CNTNAP2: variants seen among roughly 807,000 people sequenced by gnomAD.
The protein encoded by CNTNAP2 is contactin-associated protein-like 2.
Under a neutral mutation model 155.2 loss-of-function variants are expected in CNTNAP2, and 98 were observed. The observed-to-expected ratio is 0.63, with a 90% CI of 0.54 to 0.75. The LOEUF (loss-of-function observed/expected upper bound fraction) is 0.75. Among genes scored for constraint, CNTNAP2 ranks in the 30% least tolerant of loss-of-function variants. The pLI is 0.00. For synonymous variants in CNTNAP2, 651 were observed against 631.2 expected (o/e 1.03, Z -0.47); for missense variants, 1,727 against 1,688.1 (o/e 1.02, Z -0.40).
At chr7:146,842,495 C>T (rs1803747550) in intron 3 of CNTNAP2, among the ~76,000 whole-genome samples, 1 of 152,058 alleles carries the variant, frequency 6.6e-6, no homozygotes, top group East Asian at 1.9e-4. Flanking sequence ...TCTTGCACTG[C>T]TGTTAAGAAA....
chr7:148,263,051 AG>A (rs1357307144), intron 20 of CNTNAP2: 1 of 152,254 alleles, frequency 6.6e-6, no homozygotes, highest in Non-Finnish European at 1.5e-5. Flanking sequence ...GACACAAGGC[AG>A]GCAGGAGTAT....
At chr7:147,729,652 A>G (rs567099525) in intron 13 of CNTNAP2, among the ~76,000 whole-genome samples, 2 of 152,226 alleles carry the variant, frequency 1.3e-5, no homozygotes, top group East Asian at 1.9e-4. Context: ...TGTGTGAGAC[A>G]TGGAAGCTTA....
At chr7:147,343,131 G>A (rs1795792684) in intron 9 of CNTNAP2, among the ~76,000 whole-genome samples, 1 of 152,036 alleles carries the variant, frequency 6.6e-6, no homozygotes, top group Non-Finnish European at 1.5e-5. Flanking sequence ...CCAGCTAGAA[G>A]CCTATATATT....
At chr7:147,436,218 A>G (rs1442934728) in intron 10 of CNTNAP2, among the ~76,000 whole-genome samples, 2 of 152,182 alleles carry the variant, frequency 1.3e-5, no homozygotes, top group African/African-American at 4.8e-5. Flanking sequence ...AACATCACAT[A>G]TACCAATTAG....
At chr7:147,045,011 A>C (rs1192146193) in intron 4 of CNTNAP2, among the ~76,000 whole-genome samples, 1 of 152,158 alleles carries the variant, frequency 6.6e-6, no homozygotes, top group Non-Finnish European at 1.5e-5. Context: ...TCTTTATGAG[A>C]CTGCTAGATA....
intron 1 of CNTNAP2, among the ~76,000 whole-genome samples, chr7:146,348,799 C>T (rs1450559030): frequency 6.7e-6 from 1 of 148,534 alleles, no homozygotes; most frequent in Non-Finnish European, 1.5e-5. Flanking sequence ...TAAAAAAATT[C>T]CTTGTTCTCA....
intron 1 of CNTNAP2, among the ~76,000 whole-genome samples, chr7:146,615,998 G>A (rs920977748): frequency 6.6e-6 from 1 of 152,170 alleles, no homozygotes; most frequent in Admixed American, 6.5e-5. Context: ...TGTAATTCCA[G>A]TGCTGGAAGT....
intron 1 of CNTNAP2, among the ~76,000 whole-genome samples, chr7:146,551,159 A>G (rs1002771843): frequency 1.3e-5 from 2 of 152,100 alleles, no homozygotes; most frequent in African/African-American, 4.8e-5. Context: ...GTGGATGTTT[A>G]CACCATATAG....
chr7:147,297,450 AAT>A (rs1285405936), intron 8 of CNTNAP2, among the ~76,000 whole-genome samples: 5 of 152,200 alleles, frequency 3.3e-5, no homozygotes, highest in African/African-American at 1.2e-4. Flanking sequence ...TATAAGGAAA[AAT>A]AAAGCTCAGA....
chr7:147,005,062 C>T (rs10281702), intron 3 of CNTNAP2, among the ~76,000 whole-genome samples: 56,389 of 151,770 alleles, frequency 0.37, 10,671 homozygotes, highest in East Asian at 0.43. Context: ...TTGGTCTCTC[C>T]GGAGGCAGGA....
intron 23 of CNTNAP2, among the ~76,000 whole-genome samples, chr7:148,415,195 T>TTA (rs1490688633): frequency 3.9e-5 from 6 of 152,384 alleles, no homozygotes; most frequent in Admixed American, 1.3e-4. Context: ...GTCCAGTATT[T>TTA]TAGTTACTTT....
intron 1 of CNTNAP2, among the ~76,000 whole-genome samples, chr7:146,484,657 A>C (rs1290816798): frequency 6.6e-6 from 1 of 152,148 alleles, no homozygotes; most frequent in African/African-American, 2.4e-5. Context: ...GAAAGAAAGA[A>C]AAAGAAGAAA....
chr7:148,300,473 CTTCTT>C (rs1234589774), intron 21 of CNTNAP2, among the ~76,000 whole-genome samples: 1 of 150,704 alleles, frequency 6.6e-6, no homozygotes, highest in African/African-American at 2.4e-5. Flanking sequence ...TGGCTTAAAT[CTTCTT>C]TTCTCAATAA....
At chr7:147,305,891 G>A (rs1795016849) in intron 9 of CNTNAP2, among the ~76,000 whole-genome samples, 1 of 152,082 alleles carries the variant, frequency 6.6e-6, no homozygotes, top group African/African-American at 2.4e-5. Flanking sequence ...CTGGCTTCTG[G>A]TGGTTACCAG....
At chr7:148,097,192 C>T (rs1803989908) in intron 15 of CNTNAP2, among the ~76,000 whole-genome samples, 1 of 151,948 alleles carries the variant, frequency 6.6e-6, no homozygotes, top group Admixed American at 6.6e-5. Context: ...TTTATGAGTA[C>T]AGGGCATTAG....
At chr7:146,203,081 A>G (rs1396005745) in intron 1 of CNTNAP2, among the ~76,000 whole-genome samples, 1 of 152,186 alleles carries the variant, frequency 6.6e-6, no homozygotes, top group Non-Finnish European at 1.5e-5. Flanking sequence ...ATGCTCTTAC[A>G]TCACAACAAT....
chr7:146,553,786 A>T (rs1798155794), intron 1 of CNTNAP2, among the ~76,000 whole-genome samples: 2 of 152,298 alleles, frequency 1.3e-5, no homozygotes, highest in South Asian at 4.1e-4. Flanking sequence ...TTAAAAAAAA[A>T]ATACATTCAT....
intron 10 of CNTNAP2, among the ~76,000 whole-genome samples, chr7:147,445,517 CA>C (rs2116557750): frequency 6.6e-6 from 1 of 152,176 alleles, no homozygotes; most frequent in South Asian, 2.1e-4. Flanking sequence ...TTGTTGTGGA[CA>C]AAAATAAATG....
chr7:147,560,305 G>C (rs1009221499), intron 11 of CNTNAP2, among the ~76,000 whole-genome samples: 1 of 151,372 alleles, frequency 6.6e-6, no homozygotes, highest in Admixed American at 6.6e-5. Flanking sequence ...TTTACCTTTT[G>C]AATTACTTCC....
Sources: gnomAD v4.1 joint callset for allele counts (sites outside exome capture counted in the v4.1 genomes callset) on GRCh38, gnomAD v4.1.1 for gene constraint, MANE v1.5 for transcripts, NCBI Gene and HGNC (gene_info 2026-07-23, HGNC 2026-07-21) for gene names.